Variants in TRAPPC12 observed in about 807,000 individuals in gnomAD.
TRAPPC12 encodes the protein trafficking protein particle complex subunit 12.
A neutral mutation model predicts 69.2 loss-of-function variants in TRAPPC12; 61 were observed. The ratio of observed to expected loss-of-function variants is 0.88; its 90% CI spans 0.72 to 1.09. The LOEUF (loss-of-function observed/expected upper bound fraction) is 1.09, where lower values mean the gene tolerates loss of function less well. Ranked by LOEUF, TRAPPC12 falls within the 50% of genes least tolerant of loss-of-function variation. TRAPPC12 has a pLI of 0.00. For missense variants in TRAPPC12, 1,101 were observed against 1,016.4 expected, an observed-to-expected ratio of 1.08 and a Z score of -1.13; for synonymous variants, 469 against 438.9, an observed-to-expected ratio of 1.07 and a Z score of -0.86.
intron 6 of TRAPPC12, among the ~76,000 whole-genome samples, chr2:3,453,268 C>T (rs903007657): frequency 1.3e-5 from 2 of 152,192 alleles, no homozygotes; most frequent in African/African-American, 4.8e-5. Context: ...TAAGCACCAC[C>T]CACACTGCCG....
At position 3,469,031 on chromosome 2, in the gene TRAPPC12, G is replaced by A. The variant is rs978365981; in HGVS notation, c.1776+3336G>A. On this transcript the variant is annotated intron_variant, in intron 9 of 11. Coordinates refer to ENST00000324266, the MANE Select transcript of TRAPPC12 (RefSeq NM_016030.6). The stretch of plus-strand genomic sequence containing the variant: ...GAAAGAACTCAAATGGAATGAACAC[G>A]TAAAAGCCAGCAGAGAGCTCTGTTC... Among the ~76,000 whole-genome samples the A allele has an allele frequency of 6.6e-5, 10 of 152,126 alleles. No homozygotes were observed. The East Asian group carries it at 1.5e-3, about 23-fold the overall frequency.
intron 7 of TRAPPC12, among the ~76,000 whole-genome samples, chr2:3,458,857 G>A (rs1484272084): frequency 6.6e-6 from 1 of 152,146 alleles, no homozygotes. Flanking sequence ...AAAGGAATCT[G>A]CAAAGATCAT....
At chr2:3,416,207 A>T (rs77623254) in intron 3 of TRAPPC12, among the ~76,000 whole-genome samples, 2 of 152,054 alleles carry the variant, frequency 1.3e-5, no homozygotes, top group Admixed American at 1.3e-4. Context: ...TAAGTGAGGG[A>T]GTGACTGGGT....
intron 9 of TRAPPC12, chr2:3,466,333 C>A (rs1335202890): frequency 2.1e-6 from 1 of 471,218 alleles, no homozygotes; most frequent in Non-Finnish European, 4.4e-6. Flanking sequence ...AAAGGAGGCA[C>A]GAGCAAGGGA....
intron 3 of TRAPPC12, among the ~76,000 whole-genome samples, chr2:3,411,295 C>T (rs746672786): frequency 1.1e-4 from 16 of 152,146 alleles, no homozygotes; most frequent in African/African-American, 2.7e-4. Context: ...AGACTGAGGG[C>T]GTCACTGTGT....
At chr2:3,411,631 G>C (rs1298801243) in intron 3 of TRAPPC12, among the ~76,000 whole-genome samples, 2 of 152,122 alleles carry the variant, frequency 1.3e-5, no homozygotes, top group South Asian at 2.1e-4. Flanking sequence ...CTATCAATTT[G>C]TGTCTTTTTA....
intron 5 of TRAPPC12, among the ~76,000 whole-genome samples, chr2:3,438,274 A>C: frequency 1.1e-5 from 1 of 88,830 alleles, no homozygotes; most frequent in Non-Finnish European, 2.2e-5. Flanking sequence ...CCCCTGGATA[A>C]ATCCCCCCAC....
intron 3 of TRAPPC12, among the ~76,000 whole-genome samples, chr2:3,417,336 G>A (rs530525421): frequency 1.0e-3 from 152 of 150,050 alleles, no homozygotes; most frequent in African/African-American, 3.5e-3. Context: ...TCCCCCCACC[G>A]CCCCCGCTGC....
chr2:3,385,955 G>C (rs145004843), intron 1 of TRAPPC12, among the ~76,000 whole-genome samples: 1 of 152,152 alleles, frequency 6.6e-6, no homozygotes, highest in African/African-American at 2.4e-5. Flanking sequence ...TCGGGCTCCC[G>C]GTGAAACATG....
At position 3,387,903 on chromosome 2, in the gene TRAPPC12, C is replaced by T. The variant is rs947828405; in HGVS notation, c.280C>T (p.Pro94Ser). 24 of 1,553,868 alleles carry T rather than the reference C, an allele frequency of 1.5e-5. No homozygotes were observed. Among genetic ancestry groups the T allele is most frequent in the Non-Finnish European group, 2.0e-5 (23 of 1,149,104 alleles). ...DLGRVRDEAEPGGEGDPGPEP... is the reference protein window; with the variant it reads ...DLGRVRDEAESGGEGDPGPEP... ...GGGCCGAGTGCGGGACGAAGCTGAG[C>T]CCGGAGGGGAAGGCGACCCAGGCCC... Residue 94 changes from proline (P) to serine (S), a missense_variant, in exon 2 of 12, where the codon CCC (proline) becomes TCC (serine). By Grantham distance (74) the Pro-to-Ser change is moderately conservative. Coordinates refer to ENST00000324266, the MANE Select transcript of TRAPPC12 (RefSeq NM_016030.6).
Position 3,401,931 on chromosome 2 carries a change from G to A in TRAPPC12, c.1164+38G>A, listed in dbSNP as rs375570129. On this transcript the variant is annotated intron_variant, in intron 3 of 11. Coordinates refer to ENST00000324266, the MANE Select transcript of TRAPPC12 (RefSeq NM_016030.6). Reference sequence around the variant, plus strand: ...GTGTTTGATTTCAGTGTTGTTTTGTGATAAGTCCTGCCTGCCTTCATAATA... The same window carrying A: ...GTGTTTGATTTCAGTGTTGTTTTGTAATAAGTCCTGCCTGCCTTCATAATA... The A allele has an allele frequency of 7.7e-5, 104 of 1,352,522 alleles. No individual in the cohort carries two copies. The African/African-American group carries it at 1.3e-3, about 16-fold the overall frequency. The allele number at this position is 1,352,522 out of a possible 1,614,324, so 83.8% of individuals were successfully genotyped here.
chr2:3,424,815 T>C lies in TRAPPC12; in HGVS notation c.1417+152T>C, dbSNP rs138045104. 478 of 866,036 alleles carry C rather than the reference T, an allele frequency of 5.5e-4. No homozygotes were observed. In the African/African-American group the frequency reaches 7.1e-3, roughly 13 times the overall value. The allele number at this position is 866,036 out of a possible 1,614,324, so 53.6% of individuals were successfully genotyped here. A position where few individuals can be genotyped will look rare whatever the true frequency, so the allele number is the denominator to read the frequency against. On this transcript the variant is annotated intron_variant, in intron 5 of 11. Transcript: ENST00000324266. ...CAGCAACAAGCCTTGACTTACAGAA[T>C]GCTCCCACTCCGATTTACCGAAACA... is the stretch of plus-strand genomic sequence containing the variant.
intron 9 of TRAPPC12, among the ~76,000 whole-genome samples, chr2:3,473,450 G>A (rs1391559445): frequency 6.6e-6 from 1 of 152,226 alleles, no homozygotes; most frequent in Non-Finnish European, 1.5e-5. Context: ...AGTTTTCCGT[G>A]TTGGTTTTTG....
intron 3 of TRAPPC12, among the ~76,000 whole-genome samples, chr2:3,415,259 G>T (rs898038085): frequency 6.6e-6 from 1 of 152,186 alleles, no homozygotes; most frequent in Non-Finnish European, 1.5e-5. Context: ...AAGAAATGAC[G>T]TGAAATGTCC....
chr2:3,430,096 G>C (rs1663343884), intron 5 of TRAPPC12, among the ~76,000 whole-genome samples: 1 of 152,072 alleles, frequency 6.6e-6, no homozygotes, highest in Non-Finnish European at 1.5e-5. Flanking sequence ...TGTACATCAT[G>C]AGCATATCTG....
intron 9 of TRAPPC12, among the ~76,000 whole-genome samples, chr2:3,473,868 G>C (rs1032771361): frequency 6.6e-6 from 1 of 152,218 alleles, no homozygotes; most frequent in African/African-American, 2.4e-5. Context: ...GCTGACTACA[G>C]ATTTAATATC....
At chr2:3,409,557 C>G (rs68026847) in intron 3 of TRAPPC12, among the ~76,000 whole-genome samples, 4,445 of 151,764 alleles carry the variant, frequency 0.029, 97 homozygotes, top group Non-Finnish European at 0.041. Flanking sequence ...AAGATCAGCC[C>G]GAGCAATATA....
At chr2:3,410,615 C>A (rs1662004512) in intron 3 of TRAPPC12, among the ~76,000 whole-genome samples, 1 of 152,096 alleles carries the variant, frequency 6.6e-6, no homozygotes, top group Non-Finnish European at 1.5e-5. Flanking sequence ...GAGATGGAAG[C>A]CTTTACTGTA....
At chr2:3,459,787 C>CGGGAGGCAG in intron 7 of TRAPPC12, 1 of 253,438 alleles carries the variant, frequency 3.9e-6, no homozygotes, top group South Asian at 4.1e-5. Context: ...AGCCCATGGT[C>CGGGAGGCAG]GGGAGGCAGG....
Sources: gnomAD v4.1 joint callset for allele counts (sites outside exome capture counted in the v4.1 genomes callset) on GRCh38, gnomAD v4.1.1 for gene constraint, MANE v1.5 for transcripts, NCBI Gene and HGNC (gene_info 2026-07-23, HGNC 2026-07-21) for gene names.